COL28A1: variants seen among roughly 807,000 people sequenced by gnomAD.
COL28A1 encodes collagen alpha-1(XXVIII) chain.
In COL28A1, 161 loss-of-function variants were observed where a neutral mutation model predicts 150.2. That is an observed-to-expected ratio of 1.07 (90% CI 0.94 to 1.22). The LOEUF (loss-of-function observed/expected upper bound fraction) is 1.22, where lower values mean the gene tolerates loss of function less well. COL28A1 is among the 50% of genes most tolerant of loss of function. The pLI is 0.00. For synonymous variants in COL28A1, 552 were observed against 469.7 expected, an observed-to-expected ratio of 1.18 and a Z score of -2.26; for missense variants, 1,617 against 1,388.3, an observed-to-expected ratio of 1.16 and a Z score of -2.62.
At chr7:7,495,401 C>T (rs1313402798) in intron 11 of COL28A1, among the ~76,000 whole-genome samples, 1 of 152,090 alleles carries the variant, frequency 6.6e-6, no homozygotes, top group Admixed American at 6.5e-5. Flanking sequence ...TGAACAGTAC[C>T]AACATTTAAG....
At chr7:7,370,644 T>C (rs1220364909) in intron 33 of COL28A1, 81 bp downstream of exon 33, 2 of 1,210,224 alleles carry the variant, frequency 1.7e-6, no homozygotes, top group South Asian at 1.6e-5. Context: ...TTCTTGACAA[T>C]GCAGGGCAGA....
In COL28A1 at chr7:7,508,422, G is replaced by A. The variant is rs186424334; in HGVS notation, c.928-1261C>T. Among the ~76,000 whole-genome samples, 701 of 152,216 alleles carry A rather than the reference G, an allele frequency of 4.6e-3. 5 individuals are homozygous for A. Among genetic ancestry groups the A allele is most frequent in the East Asian group, 0.022 (115 of 5,178 alleles). ...CACTCCTAAGAATAGTCTACTAGAA[G>A]AGGATGATGGAAGCAGAGACCATAA... is the stretch of plus-strand genomic sequence containing the variant. On this transcript the variant is annotated intron_variant, in intron 9 of 34. Coordinates refer to ENST00000399429, the MANE Select transcript of COL28A1 (RefSeq NM_001037763.3).
In COL28A1 at chr7:7,386,924, T is replaced by C. The variant is rs1782220016; in HGVS notation, c.2137-5312A>G. On this transcript the variant is annotated intron_variant, in intron 27 of 34. Transcript: ENST00000399429. ...GATCAAGGAATTGGCAAATTCAGTG[T>C]CTGGTGAGGGTCCATTTCCTGGTTC... Among the ~76,000 whole-genome samples the C allele has an allele frequency of 6.6e-5, 10 of 152,294 alleles. No individual in the cohort carries two copies. The South Asian group carries it at 2.1e-3, about 32-fold the overall frequency.
intron 1 of COL28A1, among the ~76,000 whole-genome samples, chr7:7,535,468 A>G (rs1184320005): frequency 1.3e-5 from 2 of 152,166 alleles, no homozygotes; most frequent in African/African-American, 4.8e-5. Context: ...ACCCTGTTCC[A>G]AATTAAGAAA....
intron 8 of COL28A1, among the ~76,000 whole-genome samples, chr7:7,513,217 C>A (rs1781242871): frequency 6.6e-6 from 1 of 152,144 alleles, no homozygotes; most frequent in African/African-American, 2.4e-5. Flanking sequence ...CCCATAGCAG[C>A]CTTGCGAGGT....
At chr7:7,488,886 G>A (rs1418029106) in intron 13 of COL28A1, among the ~76,000 whole-genome samples, 1 of 152,188 alleles carries the variant, frequency 6.6e-6, no homozygotes, top group Non-Finnish European at 1.5e-5. Context: ...TACAGTAAAA[G>A]AGAGTTGGTG....
At chr7:7,354,596 A>C (rs1780307260), downstream of COL28A1, among the ~76,000 whole-genome samples, 1 of 152,132 alleles carries the variant, frequency 6.6e-6, no homozygotes, top group South Asian at 2.1e-4. Context: ...GGCTATTAGT[A>C]TTGTTATTCT....
downstream of COL28A1, chr7:7,356,472 G>A (rs1421137791): frequency 6.6e-6 from 1 of 152,080 alleles, no homozygotes; most frequent in Non-Finnish European, 1.5e-5. Flanking sequence ...TTTTTAAATT[G>A]ACAAGCATGT....
chr7:7,512,625 GAC>G (rs1165113233), intron 8 of COL28A1, among the ~76,000 whole-genome samples: 7 of 152,146 alleles, frequency 4.6e-5, no homozygotes, highest in African/African-American at 1.7e-4. Context: ...ACTAAAAGGT[GAC>G]AGTCAGAAAA....
chr7:7,442,257 C>A (rs1562661843), intron 20 of COL28A1, among the ~76,000 whole-genome samples: 1 of 152,172 alleles, frequency 6.6e-6, no homozygotes, highest in African/African-American at 2.4e-5. Context: ...TCCTCAGTAT[C>A]CCTAACATGC....
In COL28A1 at chr7:7,436,415, G is replaced by C; in HGVS notation, c.1840C>G (p.Leu614Val). 1 of 1,426,032 alleles carries C rather than the reference G, an allele frequency of 7.0e-7. No individual in the cohort carries two copies. The highest frequency in any genetic ancestry group is 9.9e-7 in the Non-Finnish European group (1 of 1,008,130). 88.3% of individuals were successfully genotyped at this position (1,426,032 alleles called of 1,614,324 possible). Residue 614 changes from leucine (L) to valine (V), a missense_variant, in exon 23 of 35, where the codon CTT becomes GTT. Leu to Val is a conservative substitution (Grantham distance 32). Transcript: ENST00000399429. ...CATACCTTTGGTCCTCGAATAGAAA[G>C]TCCAGGTTCTCCCTTAAATCCAGGT... is the stretch of plus-strand genomic sequence containing the variant. ...GIPGFKGEPG[L>V]SIRGPKGVQG...
intron 27 of COL28A1, among the ~76,000 whole-genome samples, chr7:7,383,709 T>TATATATATATATATA (rs1583260027): frequency 6.8e-6 from 1 of 147,122 alleles, no homozygotes; most frequent in South Asian, 2.1e-4. Flanking sequence ...TATATGTATA[T>TATATATATATATATA]GAGATTCTAA....
intron 7 of COL28A1, among the ~76,000 whole-genome samples, chr7:7,516,308 T>G (rs1269726619): frequency 6.6e-6 from 1 of 152,248 alleles, no homozygotes; most frequent in African/African-American, 2.4e-5. Flanking sequence ...TTGTATCCAT[T>G]ATGGTCCTCC....
chr7:7,537,273 CA>C (rs1782677774), upstream of COL28A1, among the ~76,000 whole-genome samples: 1 of 152,128 alleles, frequency 6.6e-6, no homozygotes, highest in Non-Finnish European at 1.5e-5. Context: ...CTCAGACAGG[CA>C]CCATGTAGAC....
At chr7:7,535,988 G>A (rs1444696424), upstream of COL28A1, 2 of 152,220 alleles carry the variant, frequency 1.3e-5, no homozygotes, top group African/African-American at 4.8e-5. Flanking sequence ...GCAATTTAAA[G>A]GAACAGTGTC....
At chr7:7,523,522 A>T (rs1256986670) in intron 4 of COL28A1, among the ~76,000 whole-genome samples, 3 of 152,060 alleles carry the variant, frequency 2.0e-5, no homozygotes, top group Non-Finnish European at 4.4e-5. Context: ...ACAATTCAAT[A>T]AAACATGGTG....
chr7:7,440,441 C>T (rs1473591917), intron 21 of COL28A1, among the ~76,000 whole-genome samples: 1 of 152,220 alleles, frequency 6.6e-6, no homozygotes, highest in Non-Finnish European at 1.5e-5. Flanking sequence ...CTGCCTCTCA[C>T]TCTCAGGCTT....
intron 27 of COL28A1, among the ~76,000 whole-genome samples, chr7:7,382,567 C>T (rs1370008641): frequency 6.6e-6 from 1 of 152,156 alleles, no homozygotes; most frequent in East Asian, 1.9e-4. Flanking sequence ...GAAACAATCA[C>T]TAGCAAGTAT....
chr7:7,493,356 G>C (rs1008821226), intron 11 of COL28A1, among the ~76,000 whole-genome samples: 9 of 152,066 alleles, frequency 5.9e-5, no homozygotes, highest in Non-Finnish European at 1.3e-4. Context: ...AAATTGGTTT[G>C]GTCATTACCT....
Sources: allele counts gnomAD v4.1 joint callset (sites outside exome capture counted in the v4.1 genomes callset), GRCh38; gene constraint gnomAD v4.1.1; transcripts MANE v1.5; gene names NCBI Gene and HGNC (gene_info 2026-07-23, HGNC 2026-07-21).